VAV2: variants seen among roughly 807,000 people sequenced by gnomAD.
VAV2 encodes the protein guanine nucleotide exchange factor VAV2.
Under a neutral mutation model 132.5 loss-of-function variants are expected in VAV2, and 67 were observed. That is an observed-to-expected ratio of 0.51 (90% CI 0.42 to 0.62). The LOEUF (loss-of-function observed/expected upper bound fraction) is 0.62. Ranked by LOEUF, VAV2 falls within the 20% of genes least tolerant of loss-of-function variation. The pLI is 0.00. For synonymous variants in VAV2, 492 were observed against 443.5 expected, an observed-to-expected ratio of 1.11 and a Z score of -1.37; for missense variants, 938 against 1,153.6, an observed-to-expected ratio of 0.81 and a Z score of 2.71.
chr9:133,992,253 C>G lies in VAV2; in HGVS notation c.26G>C (p.Arg9Pro). Residue 9 changes from arginine (R) to proline (P), a missense_variant, in exon 1 of 30, where the codon CGC becomes CCC. Physicochemically the swap from Arg to Pro is moderately radical, Grantham distance 103. Coordinates refer to ENST00000371850, the MANE Select transcript of VAV2 (RefSeq NM_001134398.2). This position sits in a 1 kb window ranked among gnomAD's most constrained non-coding sequence, Gnocchi z 5.5. MEQWRQCG[R>P]WLIDCKVLPP... is the part of the protein sequence containing the mutation. Reference sequence around the variant, plus strand: ...CAGGACCTTGCAATCGATGAGCCAGCGGCCGCACTGCCGCCACTGCTCCAT... The same window carrying G: ...CAGGACCTTGCAATCGATGAGCCAGGGGCCGCACTGCCGCCACTGCTCCAT... 1 of 1,571,544 alleles carries G rather than the reference C, an allele frequency of 6.4e-7. No homozygotes were observed. Among genetic ancestry groups the G allele is most frequent in the Non-Finnish European group, 8.6e-7 (1 of 1,159,856 alleles).
chr9:133,978,317 A>G (rs1842582006), intron 1 of VAV2, among the ~76,000 whole-genome samples: 1 of 152,216 alleles, frequency 6.6e-6, no homozygotes, highest in Admixed American at 6.5e-5. Flanking sequence ...CCCTGGAGGC[A>G]GCCAACACAG....
At position 133,776,818 on chromosome 9, in the gene VAV2, C is replaced by T. The variant is rs375995895; in HGVS notation, c.1965+571G>A. Among the ~76,000 whole-genome samples the T allele has an allele frequency of 9.8e-5, 15 of 152,308 alleles. 1 individual carries two copies. The highest frequency in any genetic ancestry group is 3.6e-4 in the African/African-American group (15 of 41,572). The stretch of plus-strand genomic sequence containing the variant: ...CCGCAGTGGGGTTGGGAACCCACCC[C>T]TGCACCTTCAGAGGTTCCACGCTCT... On this transcript the variant is annotated intron_variant, in intron 23 of 29. Coordinates refer to ENST00000371850, the MANE Select transcript of VAV2 (RefSeq NM_001134398.2).
chr9:133,963,485 C>T (rs909737012), intron 1 of VAV2, among the ~76,000 whole-genome samples: 8 of 152,184 alleles, frequency 5.3e-5, no homozygotes, highest in African/African-American at 1.9e-4. Flanking sequence ...TCCAAGTCGG[C>T]CAGCAGGGTC....
chr9:133,862,321 G>C (rs1237375748), intron 2 of VAV2, among the ~76,000 whole-genome samples: 1 of 152,268 alleles, frequency 6.6e-6, no homozygotes, highest in Non-Finnish European at 1.5e-5. Flanking sequence ...GTGGGGGACA[G>C]GGAGCTGGCT....
chr9:133,848,279 C>CAAAAAAAAAAAAAAAAA (rs34908811), intron 3 of VAV2, among the ~76,000 whole-genome samples: 14 of 48,620 alleles, frequency 2.9e-4, no homozygotes, highest in East Asian at 7.6e-4. Context: ...GACTCCGTCT[C>CAAAAAAAAAAAAAAAAA]AAAAAAAAAA....
chr9:133,959,461 A>G (rs986820766), intron 1 of VAV2, among the ~76,000 whole-genome samples: 4 of 151,780 alleles, frequency 2.6e-5, no homozygotes, highest in African/African-American at 9.7e-5. Flanking sequence ...TTCACACCCC[A>G]TTCTGCTGCA....
At chr9:133,937,909 A>T (rs1233040242) in intron 2 of VAV2, among the ~76,000 whole-genome samples, 1 of 152,214 alleles carries the variant, frequency 6.6e-6, no homozygotes, top group Non-Finnish European at 1.5e-5. Flanking sequence ...TGGGCTCATG[A>T]AGAGGTCCCC....
chr9:133,937,543 T>A (rs1231483482), intron 2 of VAV2, among the ~76,000 whole-genome samples: 150 of 149,828 alleles, frequency 1.0e-3, no homozygotes, highest in South Asian at 1.5e-3. Context: ...TGTGAGAGTG[T>A]GTGTGTGTGT....
chr9:133,780,157 C>A, intron 20 of VAV2: 2 of 601,026 alleles, frequency 3.3e-6, no homozygotes, highest in East Asian at 3.1e-5. Context: ...GGTCTGTGCC[C>A]TTCTCTCTCC....
rs1839911072 is a variant in VAV2, at chr9:133,912,260, T to C, written c.321+26843A>G. Among the ~76,000 whole-genome samples, 1 of 152,088 alleles carries C rather than the reference T, an allele frequency of 6.6e-6. No homozygotes were observed. Among genetic ancestry groups the C allele is most frequent in the Non-Finnish European group, 1.5e-5 (1 of 68,028 alleles). The stretch of plus-strand genomic sequence containing the variant: ...GTACAAAACAGACAAACCAGAAACC[T>C]ACGGCATCAGGACACCGTCACCGGA... On this transcript the variant is annotated intron_variant, in intron 2 of 29. Coordinates refer to ENST00000371850, the MANE Select transcript of VAV2 (RefSeq NM_001134398.2). This position sits in a 1 kb window ranked among gnomAD's most constrained non-coding sequence, Gnocchi z 4.3.
At chr9:133,775,987 G>C (rs1408592371) in intron 24 of VAV2, 41 bp downstream of exon 24, 2 of 1,571,580 alleles carry the variant, frequency 1.3e-6, no homozygotes, top group Admixed American at 3.5e-5. Context: ...ATAACAAAGA[G>C]GCCACCAGAT....
chr9:133,776,438 G>C (rs1833814306), intron 23 of VAV2, among the ~76,000 whole-genome samples: 1 of 152,214 alleles, frequency 6.6e-6, no homozygotes, highest in South Asian at 2.1e-4. Flanking sequence ...AAACCCCGGG[G>C]TGGGGGTCTG....
At position 133,783,573 on chromosome 9, in the gene VAV2, T is replaced by G; in HGVS notation, c.1653A>C (p.Gly551=). ...KMFLRGTFYQ[G]YMCTKCGVGA... is the part of the protein sequence containing the mutation. The stretch of plus-strand genomic sequence containing the variant: ...CGACGCCACACTTGGTACACATGTA[T>G]CCCTGGTAGAAGGTGCCCCTGCACA... The change falls in exon 19 of 30, where the codon GGA becomes GGC. Residue 551 remains glycine, a synonymous_variant. Coordinates refer to ENST00000371850, the MANE Select transcript of VAV2 (RefSeq NM_001134398.2). 1 of 1,613,940 alleles carries G rather than the reference T, an allele frequency of 6.2e-7. No homozygotes were observed. Among genetic ancestry groups the G allele is most frequent in the South Asian group, 1.1e-5 (1 of 91,078 alleles).
At position 133,784,321 on chromosome 9, in the gene VAV2, G is replaced by A. The variant is rs759464787; in HGVS notation, c.1630C>T (p.Leu544Phe). The change falls in exon 18 of 30, where the codon CTC becomes TTC. Residue 544 changes from leucine (L) to phenylalanine (F), a missense_variant. Leu to Phe is a conservative substitution (Grantham distance 22, BLOSUM62 0). Coordinates refer to ENST00000371850, the MANE Select transcript of VAV2 (RefSeq NM_001134398.2). ...TTNCKACKMF[L>F]RGTFYQGYMC... ...GTAGCAGGGGGTTTCCCACACCTGA[G>A]GAACATTTTGCAGGCTTTGCAGTTG... The A allele has an allele frequency of 3.5e-5, 57 of 1,614,056 alleles. No individual in the cohort carries two copies. Among genetic ancestry groups the A allele is most frequent in the Non-Finnish European group, 4.7e-5 (55 of 1,180,006 alleles).
At chr9:133,814,452 G>T (rs1281611658) in intron 4 of VAV2, among the ~76,000 whole-genome samples, 1 of 152,258 alleles carries the variant, frequency 6.6e-6, no homozygotes, top group Non-Finnish European at 1.5e-5. Flanking sequence ...ACAGCTGGAG[G>T]CGAGGCGAGA....
At chr9:133,822,204 G>A (rs1013463251) in intron 4 of VAV2, among the ~76,000 whole-genome samples, 5 of 152,244 alleles carry the variant, frequency 3.3e-5, no homozygotes, top group African/African-American at 4.8e-5. Context: ...TGCCCCTGGT[G>A]AGCCTGTGTG....
intron 1 of VAV2, among the ~76,000 whole-genome samples, chr9:133,990,286 C>A (rs1002735269): frequency 5.3e-5 from 8 of 152,186 alleles, no homozygotes; most frequent in Non-Finnish European, 1.2e-4. Flanking sequence ...CCGTCCACCC[C>A]CCAGCAGCAG....
In VAV2 at chr9:133,940,672, C is replaced by CGTGTGTGTGTGTGTGTGT. The variant is rs60265901; in HGVS notation, c.205-1471_205-1454dup. On this transcript the variant is annotated intron_variant, in intron 1 of 29. Coordinates refer to ENST00000371850, the MANE Select transcript of VAV2 (RefSeq NM_001134398.2). ...CCTAGAGTCCCTCTCTGTCCACGTG[C>CGTGTGTGTGTGTGTGTGT]GTGTGTGTGTGTGTGTGTGTGTGTG... Among the ~76,000 whole-genome samples, 333 of 139,338 alleles carry CGTGTGTGTGTGTGTGTGT rather than the reference C, an allele frequency of 2.4e-3. 2 individuals are homozygous for CGTGTGTGTGTGTGTGTGT. Among genetic ancestry groups the CGTGTGTGTGTGTGTGTGT allele is most frequent in the Non-Finnish European group, 4.0e-3 (251 of 62,170 alleles). 91.4% of individuals were successfully genotyped at this position (139,338 alleles called of 152,430 possible).
rs1211738612 is a variant in VAV2, at chr9:133,802,264, GCACACATGTATGCACACACA to G, written c.836+3797_836+3816del. On this transcript the variant is annotated intron_variant, in intron 9 of 29. Coordinates refer to ENST00000371850, the MANE Select transcript of VAV2 (RefSeq NM_001134398.2). This position sits in a 1 kb window ranked among gnomAD's most constrained non-coding sequence, Gnocchi z 5.8. ...CCAAAACTTGGAATAACACACACGG[GCACACATGTATGCACACACA>G]CACACATGCATGTGCACACAAACAC... Among the ~76,000 whole-genome samples, 2 of 144,174 alleles carry G rather than the reference GCACACATGTATGCACACACA, an allele frequency of 1.4e-5. No homozygotes were observed. The highest frequency in any genetic ancestry group is 6.7e-5 in the Admixed American group (1 of 14,894). The allele number at this position is 144,174 out of a possible 152,430, so 94.6% of individuals were successfully genotyped here. A position where few individuals can be genotyped will look rare whatever the true frequency, so the allele number is the denominator to read the frequency against.
Sources: allele counts gnomAD v4.1 joint callset (sites outside exome capture counted in the v4.1 genomes callset), GRCh38; gene constraint gnomAD v4.1.1; non-coding constraint Gnocchi (gnomAD v3.1); transcripts MANE v1.5; gene names NCBI Gene and HGNC (gene_info 2026-07-23, HGNC 2026-07-21).